The following MGAT4C variants were observed in gnomAD, a reference collection of about 807,000 sequenced individuals.
The protein encoded by MGAT4C is alpha-1,3-mannosyl-glycoprotein 4-beta-N-acetylglucosaminyltransferase C.
MGAT4C carries 19 observed loss-of-function variants against 40.1 expected under a neutral mutation model. That is an observed-to-expected ratio of 0.47 (90% CI 0.33 to 0.70). The LOEUF (loss-of-function observed/expected upper bound fraction) is 0.70, where lower values mean the gene tolerates loss of function less well. Ranked by LOEUF, MGAT4C falls within the 30% of genes least tolerant of loss-of-function variation. MGAT4C has a pLI of 0.02. For synonymous variants in MGAT4C, 181 were observed against 187.1 expected, an observed-to-expected ratio of 0.97 and a Z score of 0.27; for missense variants, 491 against 563.2, an observed-to-expected ratio of 0.87 and a Z score of 1.30.
intron 1 of MGAT4C, among the ~76,000 whole-genome samples, chr12:86,085,578 A>C (rs1357433071): frequency 6.6e-6 from 1 of 152,064 alleles, no homozygotes; most frequent in African/African-American, 2.4e-5. Context: ...TACCAGTACC[A>C]TGCTATCGTC....
chr12:86,100,142 T>C (rs1291207496), intron 1 of MGAT4C, among the ~76,000 whole-genome samples: 2 of 151,482 alleles, frequency 1.3e-5, no homozygotes, highest in Non-Finnish European at 3.0e-5. Context: ...AAATAGTGTA[T>C]GCCAGAAATT....
intron 2 of MGAT4C, chr12:86,727,154 A>G (rs1305105021): frequency 6.6e-6 from 1 of 152,150 alleles, no homozygotes; most frequent in Non-Finnish European, 1.5e-5. Flanking sequence ...AAAGCAAATA[A>G]AGTCTCAACA....
intron 1 of MGAT4C, among the ~76,000 whole-genome samples, chr12:86,746,124 C>G (rs1951148093): frequency 6.6e-6 from 1 of 151,688 alleles, no homozygotes; most frequent in Non-Finnish European, 1.5e-5. Flanking sequence ...TTAGTGCTGG[C>G]TAAATCTCTC....
At chr12:86,247,289 G>C (rs1952077975) in intron 1 of MGAT4C, among the ~76,000 whole-genome samples, 1 of 152,144 alleles carries the variant, frequency 6.6e-6, no homozygotes, top group Admixed American at 6.5e-5. Flanking sequence ...ACATTCAGTA[G>C]CATCTCAGTA....
At chr12:86,766,183 C>G (rs535188135) in intron 1 of MGAT4C, among the ~76,000 whole-genome samples, 1 of 151,894 alleles carries the variant, frequency 6.6e-6, no homozygotes, top group East Asian at 1.9e-4. Flanking sequence ...ATCAACCAAG[C>G]AAATGGAAAA....
At chr12:86,797,013 G>C (rs1039154569) in intron 1 of MGAT4C, among the ~76,000 whole-genome samples, 1 of 151,810 alleles carries the variant, frequency 6.6e-6, no homozygotes, top group African/African-American at 2.4e-5. Context: ...TTATCTTTTT[G>C]ACTAATACAC....
intron 2 of MGAT4C, among the ~76,000 whole-genome samples, chr12:86,606,355 C>T (rs187880371): frequency 5.3e-5 from 8 of 152,094 alleles, no homozygotes; most frequent in African/African-American, 1.4e-4. Context: ...GCGGTGTGGA[C>T]GTGGATAAAT....
chr12:86,587,835 T>A (rs10858451), intron 2 of MGAT4C, among the ~76,000 whole-genome samples: 127,969 of 150,440 alleles, frequency 0.85, 54,982 homozygotes, highest in East Asian at 0.96. Flanking sequence ...TTATCAGCTT[T>A]AGGAGATTTT....
Position 85,976,659 on chromosome 12 carries a change from G to GTA in MGAT4C, c.*2628_*2629dup, listed in dbSNP as rs967788931. On this transcript the variant is annotated 3_prime_UTR_variant, in exon 5 of 5. Coordinates refer to ENST00000611864, the MANE Select transcript of MGAT4C (RefSeq NM_001351288.2). ...TTAACAAAGAAAATTATATATATAT[G>GTA]TATATATATATTATATATATGTATA... 10 of 144,986 alleles carry GTA rather than the reference G, an allele frequency of 6.9e-5. No homozygotes were observed. The highest frequency in any genetic ancestry group is 3.9e-4 in the East Asian group (2 of 5,086). The allele number at this position is 144,986 out of a possible 1,614,324, so 9.0% of individuals were successfully genotyped here. A position where few individuals can be genotyped will look rare whatever the true frequency, so the allele number is the denominator to read the frequency against.
At chr12:86,584,104 A>G (rs1317965672) in intron 2 of MGAT4C, among the ~76,000 whole-genome samples, 1 of 150,936 alleles carries the variant, frequency 6.6e-6, no homozygotes, top group Non-Finnish European at 1.5e-5. Flanking sequence ...AGTGAGTTTT[A>G]TCAGTGAGTT....
rs1883017653 is a variant in MGAT4C at position 85,959,830 on chromosome 12, T to C, written c.*19459A>G. 6.6e-6 allele frequency: 1 copy of C among 151,976 alleles called. No individual in the cohort carries two copies. Among genetic ancestry groups the C allele is most frequent in the Admixed American group, 6.6e-5 (1 of 15,230 alleles). The allele number at this position is 151,976 out of a possible 1,614,324, so 9.4% of individuals were successfully genotyped here. Reference sequence around the variant, plus strand: ...CTTTGTTTCTTTATGAAATTACTTTTAGATAAAGTATTGATATTGTCATTT... The same window carrying C: ...CTTTGTTTCTTTATGAAATTACTTTCAGATAAAGTATTGATATTGTCATTT... On this transcript the variant is annotated 3_prime_UTR_variant, in exon 5 of 5. Coordinates refer to ENST00000611864, the MANE Select transcript of MGAT4C (RefSeq NM_001351288.2).
chr12:86,445,726 G>A (rs1957322339), intron 2 of MGAT4C, among the ~76,000 whole-genome samples: 1 of 152,070 alleles, frequency 6.6e-6, no homozygotes. Flanking sequence ...GCAAACTTTT[G>A]CTATACGTGA....
At chr12:86,049,853 A>C (rs1327128115) in intron 1 of MGAT4C, 130 bp from the exon 2 acceptor site, 1 of 185,366 alleles carries the variant, frequency 5.4e-6, no homozygotes. Context: ...TATTTATAAA[A>C]TCTTTCTAAA....
At chr12:86,459,901 T>C (rs1298767459) in intron 2 of MGAT4C, among the ~76,000 whole-genome samples, 6 of 151,978 alleles carry the variant, frequency 3.9e-5, no homozygotes, top group African/African-American at 1.5e-4. Context: ...ATGAACTAAA[T>C]TGACACTAAC....
chr12:86,773,760 A>C (rs1951679438), intron 1 of MGAT4C, among the ~76,000 whole-genome samples: 1 of 151,770 alleles, frequency 6.6e-6, no homozygotes, highest in Non-Finnish European at 1.5e-5. Context: ...TACACTTTTA[A>C]TTTTGAGCTC....
Position 86,415,884 on chromosome 12 carries a change from C to A in MGAT4C, c.-120+19273G>T, listed in dbSNP as rs182025625. 2.4e-3 allele frequency among the ~76,000 whole-genome samples: 361 copies of A among 152,046 alleles called. 1 individual carries two copies. The highest frequency in any genetic ancestry group is 8.5e-3 in the African/African-American group (355 of 41,534). ...TGATCATTAGCAATCTTTGACATGG[C>A]AATTTCAATGGATTACTGGAGGAAA... On this transcript the variant is annotated intron_variant, in intron 3 of 7. Coordinates refer to the MGAT4C transcript ENST00000548651.
At chr12:86,824,286 C>A (rs1050078305) in intron 1 of MGAT4C, among the ~76,000 whole-genome samples, 2 of 151,296 alleles carry the variant, frequency 1.3e-5, no homozygotes, top group Admixed American at 6.6e-5. Flanking sequence ...CAAAAGGAAG[C>A]TGTAAAGTGA....
rs1034462084 is a variant in MGAT4C at position 86,078,485 on chromosome 12, C to A, written c.-56-28762G>T. ...GCATGCAGGATAGGCAAACCTATAT[C>A]TGGAATAAGTGTTTATTCCAATGAG... On this transcript the variant is annotated intron_variant, in intron 1 of 4. Coordinates refer to ENST00000611864, the MANE Select transcript of MGAT4C (RefSeq NM_001351288.2). 2.6e-5 allele frequency among the ~76,000 whole-genome samples: 4 copies of A among 152,230 alleles called. No homozygotes were observed. The East Asian group carries it at 7.7e-4, about 29-fold the overall frequency.
chr12:86,536,344 T>G (rs1250428224), intron 2 of MGAT4C, among the ~76,000 whole-genome samples: 1 of 152,188 alleles, frequency 6.6e-6, no homozygotes, highest in Admixed American at 6.5e-5. Context: ...GTGTCATGTA[T>G]TCCTGTTAAG....
Sources: gnomAD v4.1 joint callset for allele counts (sites outside exome capture counted in the v4.1 genomes callset) on GRCh38, gnomAD v4.1.1 for gene constraint, MANE v1.5 for transcripts, NCBI Gene and HGNC (gene_info 2026-07-23, HGNC 2026-07-21) for gene names.